The following MYO18B variants were observed in gnomAD, a reference collection of about 807,000 sequenced individuals.
MYO18B encodes unconventional myosin-XVIIIb.
A neutral mutation model predicts 273.0 loss-of-function variants in MYO18B; 204 were observed. The ratio of observed to expected loss-of-function variants is 0.75; its 90% CI spans 0.67 to 0.84. MYO18B has a LOEUF of 0.84. Among genes scored for constraint, MYO18B ranks in the 40% least tolerant of loss-of-function variants. The probability of loss-of-function intolerance (pLI) is 0.00; values close to 1 mark genes in which losing one functional copy is unlikely to be tolerated. For missense variants in MYO18B, 3,212 were observed against 3,287.6 expected (o/e 0.98, Z 0.56); for synonymous variants, 1,330 against 1,305.7 (o/e 1.02, Z -0.40).
At chr22:25,785,193 C>G (rs1017075955) in intron 10 of MYO18B, among the ~76,000 whole-genome samples, 2 of 152,140 alleles carry the variant, frequency 1.3e-5, no homozygotes, top group Non-Finnish European at 2.9e-5. Flanking sequence ...CCTCTACAAC[C>G]CTTTCTCCTG....
the MYO18B span, among the ~76,000 whole-genome samples, chr22:26,054,875 A>C: frequency 1.3e-5 from 2 of 152,156 alleles, no homozygotes; most frequent in Non-Finnish European, 2.9e-5. Flanking sequence ...TCTGCGAAAC[A>C]TAGGGTGATG....
chr22:25,823,478 C>T, intron 12 of MYO18B, 27 bp from the exon 13 acceptor site: 1 of 1,608,616 alleles, frequency 6.2e-7, no homozygotes, highest in Non-Finnish European at 8.5e-7. Context: ...GCCTCACTGC[C>T]ACGCCTCTGT....
At chr22:25,945,689 C>T (rs1178314106) in intron 34 of MYO18B, among the ~76,000 whole-genome samples, 1 of 112,448 alleles carries the variant, frequency 8.9e-6, no homozygotes, top group Non-Finnish European at 1.9e-5. Flanking sequence ...CCTCTCCTCT[C>T]CCCTCGCCTC....
At chr22:25,970,923 G>A (rs765009766) in intron 39 of MYO18B, among the ~76,000 whole-genome samples, 1 of 152,174 alleles carries the variant, frequency 6.6e-6, no homozygotes, top group Non-Finnish European at 1.5e-5. Context: ...CAAACAAAAG[G>A]AAAGGAACTC....
At chr22:25,770,696 T>C (rs1568993776) in intron 5 of MYO18B, among the ~76,000 whole-genome samples, 176 bp from the exon 6 acceptor site, 1 of 152,170 alleles carries the variant, frequency 6.6e-6, no homozygotes, top group Non-Finnish European at 1.5e-5. Context: ...CTTAAAGGAT[T>C]TGGGGTCACA....
chr22:25,764,817 A>G (rs1371190414), intron 3 of MYO18B, among the ~76,000 whole-genome samples: 2 of 152,204 alleles, frequency 1.3e-5, no homozygotes, highest in African/African-American at 4.8e-5. Context: ...TCATGGGCTC[A>G]TTTAATACCC....
chr22:25,948,440 TTCCTTCCTTCC>T (rs1336183607), intron 36 of MYO18B, among the ~76,000 whole-genome samples: 112 of 124,612 alleles, frequency 9.0e-4, no homozygotes, highest in African/African-American at 3.3e-3. Flanking sequence ...CCTTCCTTCC[TTCCTTCCTTCC>T]TTCCTTCCTT....
rs1367374446 is a variant in MYO18B at position 26,026,655 on chromosome 22, C to T, written c.6681C>T (p.Pro2227=). The part of the protein sequence containing the change: ...STERLEPASS[P]LASRSTNTSP... ...AGAGATTAGAACCTGCTTCCTCTCCCCTGGCTTCTCGGAGTACAAATACAT... is the reference window on the plus strand; with the variant it reads ...AGAGATTAGAACCTGCTTCCTCTCCTCTGGCTTCTCGGAGTACAAATACAT... The change falls in exon 43 of 44, where the codon CCC becomes CCT. Residue 2227 remains proline, a synonymous_variant. Coordinates refer to ENST00000335473, the MANE Select transcript of MYO18B (RefSeq NM_032608.7). 9 of 1,613,858 alleles carry T rather than the reference C, an allele frequency of 5.6e-6. No individual in the cohort carries two copies. The highest frequency in any genetic ancestry group is 7.6e-6 in the Non-Finnish European group (9 of 1,179,880).
chr22:25,786,826 C>T (rs1331562538), intron 11 of MYO18B, among the ~76,000 whole-genome samples: 1 of 152,074 alleles, frequency 6.6e-6, no homozygotes, highest in East Asian at 1.9e-4. Flanking sequence ...CAAAACTCAA[C>T]CCAACAAAAA....
chr22:26,051,748 G>T, the MYO18B span, among the ~76,000 whole-genome samples: 2 of 152,224 alleles, frequency 1.3e-5, no homozygotes, highest in East Asian at 3.9e-4. Context: ...TTAATGCATG[G>T]ACAAGCAGGA....
intron 34 of MYO18B, among the ~76,000 whole-genome samples, chr22:25,937,875 G>A (rs2092599779): frequency 6.6e-6 from 1 of 152,106 alleles, no homozygotes; most frequent in Non-Finnish European, 1.5e-5. Context: ...GTGAGCCACC[G>A]CTCCCGGCCG....
intron 21 of MYO18B, among the ~76,000 whole-genome samples, chr22:25,867,911 G>T (rs150134851): frequency 0.012 from 1,856 of 152,260 alleles, 33 homozygotes; most frequent in African/African-American, 0.042. Context: ...GATAACAGCC[G>T]TGAGCCACCG....
chr22:25,852,550 C>T (rs1455949059), intron 21 of MYO18B, among the ~76,000 whole-genome samples: 1 of 152,212 alleles, frequency 6.6e-6, no homozygotes, highest in Non-Finnish European at 1.5e-5. Flanking sequence ...AGAATGGCCA[C>T]AGGCTTATCG....
chr22:25,822,926 G>T (rs556687924), intron 12 of MYO18B, among the ~76,000 whole-genome samples: 2 of 152,316 alleles, frequency 1.3e-5, no homozygotes, highest in Non-Finnish European at 1.5e-5. Context: ...TAGGTCAGGG[G>T]TTGATGTTAT....
chr22:25,828,723 G>A (rs1038524913), intron 14 of MYO18B, 53 bp from the exon 15 acceptor site: 74 of 1,542,070 alleles, frequency 4.8e-5, no homozygotes, highest in Non-Finnish European at 6.0e-5. Flanking sequence ...GGATCAGTGT[G>A]CTCCTAGATT....
Position 25,842,471 on chromosome 22 carries a change from G to C in MYO18B, c.3209-1264G>C, listed in dbSNP as rs542790758. Among the ~76,000 whole-genome samples the C allele has an allele frequency of 2.0e-5, 3 of 152,050 alleles. No individual in the cohort carries two copies. The East Asian group carries it at 5.8e-4, about 29-fold the overall frequency. ...GCAGATCACTTGAGGTCAGGAGTTC[G>C]AGACCAGCCTGGCCAACATGGTGAA... On this transcript the variant is annotated intron_variant, in intron 17 of 43. Transcript: ENST00000335473.
Position 25,913,329 on chromosome 22 carries a change from G to A in MYO18B, c.5364+2279G>A, listed in dbSNP as rs946503045. Reference sequence around the variant, plus strand: ...GTATTGCGTGGCCCTCCACAGGGATGCTGTGCATTTTTCACATGTTGATTG... The same window carrying A: ...GTATTGCGTGGCCCTCCACAGGGATACTGTGCATTTTTCACATGTTGATTG... On this transcript the variant is annotated intron_variant, in intron 33 of 43. Coordinates refer to ENST00000335473, the MANE Select transcript of MYO18B (RefSeq NM_032608.7). 1.1e-4 allele frequency among the ~76,000 whole-genome samples: 17 copies of A among 152,216 alleles called. 1 individual carries two copies. The South Asian group carries it at 2.9e-3, about 26-fold the overall frequency.
At chr22:25,811,792 T>C (rs1032062887) in intron 12 of MYO18B, among the ~76,000 whole-genome samples, 21 of 152,228 alleles carry the variant, frequency 1.4e-4, no homozygotes, top group Non-Finnish European at 1.5e-5. Flanking sequence ...TTTGGTATTA[T>C]AAATAACAGC....
At chr22:26,013,141 G>A (rs139658620) in intron 42 of MYO18B, among the ~76,000 whole-genome samples, 39 of 152,216 alleles carry the variant, frequency 2.6e-4, no homozygotes, top group African/African-American at 9.1e-4. Context: ...GTTGCATGTA[G>A]CAGTAATTCA....
Sources: gnomAD v4.1 joint callset for allele counts (sites outside exome capture counted in the v4.1 genomes callset) on GRCh38, gnomAD v4.1.1 for gene constraint, MANE v1.5 for transcripts, NCBI Gene and HGNC (gene_info 2026-07-23, HGNC 2026-07-21) for gene names.